The following STAP1 variants were observed in gnomAD, a reference collection of about 807,000 sequenced individuals.
STAP1 encodes signal-transducing adaptor protein 1.
A neutral mutation model predicts 37.8 loss-of-function variants in STAP1; 30 were observed. The ratio of observed to expected loss-of-function variants is 0.79; its 90% CI spans 0.59 to 1.08. STAP1 has a LOEUF of 1.08. STAP1 is among the 50% of genes least tolerant of loss of function. The probability of loss-of-function intolerance (pLI) is 0.00; values close to 1 mark genes in which losing one functional copy is unlikely to be tolerated. For missense variants in STAP1, 357 were observed against 349.4 expected (o/e 1.02, Z -0.17); for synonymous variants, 130 against 116.0 (o/e 1.12, Z -0.78).
intron 6 of STAP1, among the ~76,000 whole-genome samples, chr4:67,587,527 AT>A (rs1728010790): frequency 6.6e-6 from 1 of 152,198 alleles, no homozygotes; most frequent in Admixed American, 6.5e-5. Flanking sequence ...ACAGAACTTC[AT>A]GGCTTGGTTT....
At chr4:67,578,458 T>C (rs1476986978) in intron 4 of STAP1, among the ~76,000 whole-genome samples, 1 of 152,170 alleles carries the variant, frequency 6.6e-6, no homozygotes, top group African/African-American at 2.4e-5. Flanking sequence ...TCAACTATTG[T>C]GTAGGGAAGT....
intron 1 of STAP1, among the ~76,000 whole-genome samples, chr4:67,560,155 T>C (rs951091958): frequency 3.3e-5 from 5 of 152,208 alleles, no homozygotes. Context: ...CTGTTTATGA[T>C]AGCAGTTTTT....
intron 8 of STAP1, among the ~76,000 whole-genome samples, chr4:67,604,260 G>C (rs1577773892): frequency 6.6e-6 from 1 of 152,218 alleles, no homozygotes; most frequent in African/African-American, 2.4e-5. Flanking sequence ...GAAGAGACCA[G>C]GTTGGCAATT....
intron 6 of STAP1, among the ~76,000 whole-genome samples, chr4:67,586,491 T>C (rs1578031529): frequency 6.6e-6 from 1 of 152,016 alleles, no homozygotes; most frequent in South Asian, 2.1e-4. Flanking sequence ...AACTGCATAT[T>C]TCTTGCACAA....
In STAP1 at chr4:67,581,381, AAAG is replaced by A; in HGVS notation, c.441_443del (p.Arg149del). On this transcript the variant is annotated inframe_deletion, in exon 5 of 9. Coordinates refer to ENST00000265404, the MANE Select transcript of STAP1 (RefSeq NM_012108.4). ...CATGAAGTCCTAGAGAGAGAAAAGA[AAAG>A]GAGGATTGAGACAGAGCAGAGTACG... The A allele has an allele frequency of 6.2e-7, 1 of 1,614,152 alleles. No homozygotes were observed. Among genetic ancestry groups the A allele is most frequent in the Non-Finnish European group, 8.5e-7 (1 of 1,179,998 alleles).
In STAP1 at chr4:67,593,312, G is replaced by A. The variant is rs756464771; in HGVS notation, c.782G>A (p.Arg261Gln). 6 of 1,613,244 alleles carry A rather than the reference G, an allele frequency of 3.7e-6. No homozygotes were observed. Among genetic ancestry groups the A allele is most frequent in the Admixed American group, 1.7e-5 (1 of 59,926 alleles). Residue 261 changes from arginine (R) to glutamine (Q), a missense_variant, in exon 8 of 9, where the codon CGA becomes CAA. Transcript: ENST00000265404. ...ATTGATTATTTTGTGAAGGAGACTC[G>A]AGGAAATTTAAGACCATTTATATGT... ...SVIDYFVKET[R>Q]GNLRPFICST...
In STAP1 at chr4:67,558,898, G is replaced by A. The variant is rs373451845; in HGVS notation, c.89G>A (p.Gly30Asp). Reference protein sequence around the residue: ...KITALPLYFEGFLLIKRSGYR... With the variant: ...KITALPLYFEDFLLIKRSGYR... ...ACTGCTCTACCTTTGTACTTTGAAGGTTTTTTATTAATCAAGCGGTCAGGA... is the reference window on the plus strand; with the variant it reads ...ACTGCTCTACCTTTGTACTTTGAAGATTTTTTATTAATCAAGCGGTCAGGA... Residue 30 changes from glycine (G) to aspartate (D), a missense_variant, in exon 1 of 9, where the codon GGT becomes GAT. Physicochemically the swap from Gly to Asp is moderately conservative, Grantham distance 94 (BLOSUM62 -1). Coordinates refer to ENST00000265404, the MANE Select transcript of STAP1 (RefSeq NM_012108.4). 1 of 1,612,994 alleles carries A rather than the reference G, an allele frequency of 6.2e-7. No homozygotes were observed. The highest frequency in any genetic ancestry group is 1.1e-5 in the South Asian group (1 of 90,912).
Position 67,590,867 on chromosome 4 carries a change from C to A in STAP1, c.660-17C>A, listed in dbSNP as rs1398574506. ...ATTGTATAATAAAATGGAGACTAAC[C>A]ATTTGTTTCATTGTAGCATTCCAAG... On this transcript the variant is annotated splice_polypyrimidine_tract_variant and intron_variant, in intron 6 of 8. Coordinates refer to ENST00000265404, the MANE Select transcript of STAP1 (RefSeq NM_012108.4). The A allele has an allele frequency of 1.9e-6, 3 of 1,593,620 alleles. No individual in the cohort carries two copies. The highest frequency in any genetic ancestry group is 1.1e-5 in the South Asian group (1 of 89,488).
At position 67,600,939 on chromosome 4, in the gene STAP1, C is replaced by CA. The variant is rs546063839; in HGVS notation, c.827-5357_827-5356insA. ...TTTTATCCTTTCAGCCACTCTATAT[C>CA]TTTTGATTGATGAGTTTAGTCCATT... On this transcript the variant is annotated intron_variant, in intron 8 of 8. Transcript: ENST00000265404. Among the ~76,000 whole-genome samples the CA allele has an allele frequency of 3.5e-3, 533 of 152,156 alleles. 2 individuals carry two copies. Among genetic ancestry groups the CA allele is most frequent in the African/African-American group, 0.012 (514 of 41,540 alleles).
In STAP1 at chr4:67,581,368, G is replaced by A. The variant is rs1188056515; in HGVS notation, c.427G>A (p.Glu143Lys). The change falls in exon 5 of 9, where the codon GAG becomes AAG. Residue 143 changes from glutamate (E) to lysine (K), a missense_variant. By Grantham distance (56) the Glu-to-Lys change is moderately conservative. Transcript: ENST00000265404. The part of the protein sequence containing the change: ...GQVIKLHEVL[E>K]REKKRRIETE... ...AGTAATTAAACTGCATGAAGTCCTA[G>A]AGAGAGAAAAGAAAAGGAGGATTGA... The A allele has an allele frequency of 6.2e-7, 1 of 1,614,102 alleles. No individual in the cohort carries two copies. Among genetic ancestry groups the A allele is most frequent in the South Asian group, 1.1e-5 (1 of 91,070 alleles).
At chr4:67,574,199 G>T (rs998477333) in intron 2 of STAP1, among the ~76,000 whole-genome samples, 1 of 152,028 alleles carries the variant, frequency 6.6e-6, no homozygotes, top group Non-Finnish European at 1.5e-5. Context: ...AGTCTTTATT[G>T]TAATGTCCAT....
chr4:67,595,052 T>C (rs1200695966), intron 8 of STAP1, among the ~76,000 whole-genome samples: 1 of 152,248 alleles, frequency 6.6e-6, no homozygotes, highest in East Asian at 1.9e-4. Context: ...CTTCTGTAGA[T>C]TGTACTTTGG....
Position 67,606,356 on chromosome 4 carries a change from G to A in STAP1, c.887G>A (p.Ter296=). Reference sequence around the variant, plus strand: ...TTGAAGAAAAATCCACACATTGCATGAAATACAATGTGAAAGCTCCTTTGT... The same window carrying A: ...TTGAAGAAAAATCCACACATTGCATAAAATACAATGTGAAAGCTCCTTTGT... ...EKLKKNPHIA[*] is the part of the protein sequence containing the mutation. The change falls in exon 9 of 9, where the codon TGA becomes TAA. Residue 296 remains the stop codon, a stop_retained_variant. Coordinates refer to ENST00000265404, the MANE Select transcript of STAP1 (RefSeq NM_012108.4). The A allele has an allele frequency of 6.2e-7, 1 of 1,609,290 alleles. No homozygotes were observed.
intron 2 of STAP1, 87 bp from the exon 3 acceptor site, chr4:67,575,298 G>C: frequency 3.8e-6 from 3 of 799,004 alleles, no homozygotes; most frequent in Non-Finnish European, 5.9e-6. Flanking sequence ...TTAGTTGAAA[G>C]GAAGATATTA....
chr4:67,559,596 G>C (rs1411275220), intron 1 of STAP1, among the ~76,000 whole-genome samples: 1 of 151,914 alleles, frequency 6.6e-6, no homozygotes, highest in African/African-American at 2.4e-5. Context: ...AAAACTTATA[G>C]TTAGTTAAAA....
intron 8 of STAP1, among the ~76,000 whole-genome samples, chr4:67,603,868 C>A (rs925863068): frequency 1.3e-5 from 2 of 152,118 alleles, no homozygotes; most frequent in African/African-American, 4.8e-5. Flanking sequence ...CCCCTGGTCA[C>A]CCCAGCTGGT....
At chr4:67,559,037 T>A (rs1167259444) in intron 1 of STAP1, 108 bp downstream of exon 1, 80 of 1,129,278 alleles carry the variant, frequency 7.1e-5, no homozygotes, top group Non-Finnish European at 9.3e-5. Context: ...TGAAATTAAA[T>A]CATCTTCTCT....
intron 8 of STAP1, among the ~76,000 whole-genome samples, chr4:67,599,744 C>T (rs1035687074): frequency 1.3e-5 from 2 of 151,780 alleles, no homozygotes; most frequent in African/African-American, 2.4e-5. Context: ...CGGGTTCAAG[C>T]GATTCTCCTG....
intron 7 of STAP1, among the ~76,000 whole-genome samples, chr4:67,591,647 A>G (rs971584401): frequency 1.3e-5 from 2 of 152,204 alleles, no homozygotes. Context: ...TGGATATCTT[A>G]AATAGAACTG....
Sources: allele counts gnomAD v4.1 joint callset (sites outside exome capture counted in the v4.1 genomes callset), GRCh38; gene constraint gnomAD v4.1.1; transcripts MANE v1.5; gene names NCBI Gene and HGNC (gene_info 2026-07-23, HGNC 2026-07-21).